Variants in CHODL observed in about 807,000 individuals in gnomAD.
The protein encoded by CHODL is transmembrane protein MT75.
Under a neutral mutation model 34.5 loss-of-function variants are expected in CHODL, and 29 were observed. That is an observed-to-expected ratio of 0.84 (90% CI 0.63 to 1.15). The LOEUF is 1.15. CHODL is among the 50% of genes most tolerant of loss of function. The probability of loss-of-function intolerance (pLI) is 0.00; values close to 1 mark genes in which losing one functional copy is unlikely to be tolerated. For missense variants in CHODL, 332 were observed against 332.5 expected, an observed-to-expected ratio of 1.00 and a Z score of 0.01; for synonymous variants, 125 against 116.1, an observed-to-expected ratio of 1.08 and a Z score of -0.49.
chr21:18,167,218 T>G (rs2073167027), intron 2 of CHODL, among the ~76,000 whole-genome samples: 1 of 112,702 alleles, frequency 8.9e-6, no homozygotes, highest in East Asian at 2.8e-4. Context: ...TCTCTGTGTG[T>G]GTGTGTGTGT....
chr21:18,096,548 A>G (rs910449650), intron 2 of CHODL, among the ~76,000 whole-genome samples: 33 of 152,280 alleles, frequency 2.2e-4, no homozygotes, highest in African/African-American at 7.9e-4. Context: ...GGTTGAAGAT[A>G]AGGGATGAAA....
chr21:18,032,446 G>A (rs2064258655), intron 2 of CHODL, among the ~76,000 whole-genome samples: 1 of 151,994 alleles, frequency 6.6e-6, no homozygotes, highest in East Asian at 1.9e-4. Flanking sequence ...CCCAAACAAT[G>A]CTGAATCACT....
At chr21:17,932,405 CA>C (rs1216959482) in intron 1 of CHODL, among the ~76,000 whole-genome samples, 2 of 152,118 alleles carry the variant, frequency 1.3e-5, no homozygotes, top group Non-Finnish European at 2.9e-5. Flanking sequence ...GGGTATTTCT[CA>C]AAGAACTGAA....
At chr21:18,116,401 C>T (rs964932338) in intron 2 of CHODL, among the ~76,000 whole-genome samples, 9 of 152,168 alleles carry the variant, frequency 5.9e-5, no homozygotes. Flanking sequence ...TCTACCTCCA[C>T]CAGTCACCAG....
At chr21:18,247,952 T>C (rs1486980530) in intron 1 of CHODL, among the ~76,000 whole-genome samples, 1 of 152,012 alleles carries the variant, frequency 6.6e-6, no homozygotes, top group Non-Finnish European at 1.5e-5. Flanking sequence ...TGGGAGGATA[T>C]GTTTGAAGAG....
intron 1 of CHODL, among the ~76,000 whole-genome samples, chr21:17,962,326 T>C (rs113097285): frequency 0.034 from 5,220 of 152,284 alleles, 121 homozygotes; most frequent in Middle Eastern, 0.054. Context: ...ATATGAAGCA[T>C]TGAGGGTGTA....
At chr21:18,250,260 T>A (rs2074218584) in intron 1 of CHODL, among the ~76,000 whole-genome samples, 1 of 152,054 alleles carries the variant, frequency 6.6e-6, no homozygotes, top group South Asian at 2.1e-4. Flanking sequence ...AACTCTTAAG[T>A]CACAATGATA....
chr21:17,975,317 T>C (rs750123223), intron 1 of CHODL, among the ~76,000 whole-genome samples: 1 of 152,072 alleles, frequency 6.6e-6, no homozygotes, highest in Non-Finnish European at 1.5e-5. Flanking sequence ...AGGGAGAGGA[T>C]TGAAAAACTA....
chr21:18,220,438 T>C (rs1568942479), intron 2 of CHODL, among the ~76,000 whole-genome samples: 1 of 152,188 alleles, frequency 6.6e-6, no homozygotes, highest in Non-Finnish European at 1.5e-5. Flanking sequence ...ATCTTAATGA[T>C]TTGGTGGCTT....
chr21:18,032,253 T>C (rs1342368173), intron 2 of CHODL, among the ~76,000 whole-genome samples: 10 of 152,090 alleles, frequency 6.6e-5, no homozygotes, highest in Admixed American at 1.3e-4. Context: ...TATGAAATAA[T>C]GCATATTTTA....
At chr21:17,976,538 C>G (rs1474842025) in intron 1 of CHODL, among the ~76,000 whole-genome samples, 1 of 152,050 alleles carries the variant, frequency 6.6e-6, no homozygotes, top group Non-Finnish European at 1.5e-5. Context: ...TTAATCAATT[C>G]ATTTAATAGT....
At chr21:18,075,150 G>A (rs1451623107) in intron 2 of CHODL, among the ~76,000 whole-genome samples, 2 of 152,246 alleles carry the variant, frequency 1.3e-5, no homozygotes, top group Non-Finnish European at 2.9e-5. Context: ...CTCAGAAAAT[G>A]CAGGAAATTC....
chr21:18,085,631 G>T (rs533929124), intron 2 of CHODL, among the ~76,000 whole-genome samples: 1 of 152,046 alleles, frequency 6.6e-6, no homozygotes, highest in African/African-American at 2.4e-5. Flanking sequence ...GGCAAGATAC[G>T]CAATTCTTGG....
At chr21:17,946,192 C>T (rs934112072) in intron 1 of CHODL, among the ~76,000 whole-genome samples, 29 of 152,132 alleles carry the variant, frequency 1.9e-4, no homozygotes, top group Non-Finnish European at 3.2e-4. Context: ...CCAAGGCGGG[C>T]GGATCACGAG....
intron 1 of CHODL, among the ~76,000 whole-genome samples, chr21:17,987,102 A>C (rs2063759511): frequency 6.6e-6 from 1 of 152,182 alleles, no homozygotes; most frequent in Non-Finnish European, 1.5e-5. Flanking sequence ...TCTATAGAAA[A>C]ATTGCACAAG....
intron 1 of CHODL, among the ~76,000 whole-genome samples, chr21:17,977,926 A>AAAAAAAAG (rs974216139): frequency 1.3e-5 from 2 of 150,504 alleles, no homozygotes; most frequent in Non-Finnish European, 3.0e-5. Flanking sequence ...CTCAAAAAAA[A>AAAAAAAAG]AAAAAAAAGA....
chr21:18,125,972 G>A (rs2065538810), intron 2 of CHODL, among the ~76,000 whole-genome samples: 1 of 152,170 alleles, frequency 6.6e-6, no homozygotes, highest in African/African-American at 2.4e-5. Flanking sequence ...AATCTTTCAT[G>A]AAATGAAGAG....
At chr21:18,170,034 G>C (rs1204734325) in intron 2 of CHODL, among the ~76,000 whole-genome samples, 2 of 151,886 alleles carry the variant, frequency 1.3e-5, no homozygotes, top group East Asian at 3.9e-4. Flanking sequence ...ATGAGGCATT[G>C]GATTTTGCAT....
chr21:18,132,114 G>A (rs967780925), intron 2 of CHODL, among the ~76,000 whole-genome samples: 1 of 151,846 alleles, frequency 6.6e-6, no homozygotes. Context: ...AAGTTTTAGG[G>A]TATATGTGCA....
Sources: gnomAD v4.1 joint callset for allele counts (sites outside exome capture counted in the v4.1 genomes callset) on GRCh38, gnomAD v4.1.1 for gene constraint, MANE v1.5 for transcripts, NCBI Gene and HGNC (gene_info 2026-07-23, HGNC 2026-07-21) for gene names.